The following IGFL2 variants were observed in gnomAD, a reference collection of about 807,000 sequenced individuals.
The protein encoded by IGFL2 is insulin growth factor-like family member 2.
In IGFL2, 7 loss-of-function variants were observed where a neutral mutation model predicts 13.9. The ratio of observed to expected loss-of-function variants is 0.51; its 90% confidence interval spans 0.29 to 0.95. The LOEUF is 0.95. Ranked by LOEUF, IGFL2 falls within the 40% of genes least tolerant of loss-of-function variation. The pLI is 0.08. For missense variants in IGFL2, 138 were observed against 147.8 expected (o/e 0.93, Z 0.34); for synonymous variants, 55 against 55.8 (o/e 0.99, Z 0.07).
the IGFL2 span, among the ~76,000 whole-genome samples, chr19:46,089,603 C>T: frequency 1.3e-5 from 2 of 150,418 alleles, no homozygotes; most frequent in African/African-American, 2.4e-5. Flanking sequence ...CTTATCTCTC[C>T]TTCATTTCTG....
At chr19:46,105,281 G>C in the IGFL2 span, among the ~76,000 whole-genome samples, 108 of 152,308 alleles carry the variant, frequency 7.1e-4, 2 homozygotes, top group South Asian at 0.017. Context: ...TAGTCCTTTT[G>C]CAAGAGTGAG....
chr19:46,132,625 G>A, the IGFL2 span, among the ~76,000 whole-genome samples: 1 of 151,570 alleles, frequency 6.6e-6, no homozygotes, highest in Admixed American at 6.6e-5. Context: ...ACAGAGAAGG[G>A]GAGAGAGAAG....
downstream of IGFL2, among the ~76,000 whole-genome samples, chr19:46,163,502 A>G (rs1600957191): frequency 6.6e-6 from 1 of 152,258 alleles, no homozygotes; most frequent in South Asian, 2.1e-4. Context: ...TATGGGACCC[A>G]TGGGAAACAG....
At chr19:46,119,010 A>G in the IGFL2 span, among the ~76,000 whole-genome samples, 30 of 151,982 alleles carry the variant, frequency 2.0e-4, no homozygotes, top group Admixed American at 1.8e-3. Context: ...ACACCCTGCT[A>G]TGGGATGATG....
chr19:46,190,584 A>G, the IGFL2 span, among the ~76,000 whole-genome samples: 1 of 152,146 alleles, frequency 6.6e-6, no homozygotes. Context: ...ATATTTTGCA[A>G]GTGTGTGAAT....
the IGFL2 span, among the ~76,000 whole-genome samples, chr19:46,125,125 T>A: frequency 6.6e-6 from 1 of 152,184 alleles, no homozygotes; most frequent in Non-Finnish European, 1.5e-5. Flanking sequence ...TCTCTGGAAA[T>A]GTCAAGGGGA....
At position 46,160,411 on chromosome 19, in the gene IGFL2, C is replaced by T. The variant is rs1247547551; in HGVS notation, c.20-4C>T. The T allele has an allele frequency of 6.2e-7, 1 of 1,612,656 alleles. No individual in the cohort carries two copies. On this transcript the variant is annotated splice_polypyrimidine_tract_variant and splice_region_variant and intron_variant, in intron 1 of 3. Transcript: ENST00000377693. Reference sequence around the variant, plus strand: ...ATCCTTAACCTCCTTTCTTTCTCTCCCAGCTCCTGCTTATGTGTCAGTCTG... The same window carrying T: ...ATCCTTAACCTCCTTTCTTTCTCTCTCAGCTCCTGCTTATGTGTCAGTCTG...
chr19:46,146,775 G>A (rs540208048), upstream of IGFL2, among the ~76,000 whole-genome samples: 16 of 152,138 alleles, frequency 1.1e-4, no homozygotes, highest in African/African-American at 2.9e-4. Context: ...ATTGACTTCT[G>A]TGTGTTTCAT....
the IGFL2 span, among the ~76,000 whole-genome samples, chr19:46,200,487 T>TTCTTTTCTTTTCTTTTCTTTTC: frequency 6.9e-6 from 1 of 145,480 alleles, no homozygotes. Context: ...TTCTTTTCTT[T>TTCTTTTCTTTTCTTTTCTTTTC]TCTTTTCTTT....
the IGFL2 span, among the ~76,000 whole-genome samples, chr19:46,093,921 A>G: frequency 6.6e-6 from 1 of 152,236 alleles, no homozygotes; most frequent in South Asian, 2.1e-4. Context: ...TGACATAAAG[A>G]TCTAAATAAA....
upstream of IGFL2, chr19:46,143,044 A>G (rs895885387): frequency 3.3e-5 from 5 of 152,228 alleles, no homozygotes; most frequent in African/African-American, 1.2e-4. Flanking sequence ...TGTTACTGCA[A>G]TTGATGTTTG....
chr19:46,122,978 A>G, the IGFL2 span, among the ~76,000 whole-genome samples: 1 of 150,888 alleles, frequency 6.6e-6, no homozygotes, highest in African/African-American at 2.5e-5. Flanking sequence ...GGTAAAAAAA[A>G]TGACATTTGA....
chr19:46,215,231 T>C, the IGFL2 span, among the ~76,000 whole-genome samples: 4 of 152,216 alleles, frequency 2.6e-5, no homozygotes, highest in African/African-American at 7.2e-5. Context: ...TTAATGATTA[T>C]GGTGAATTTT....
At chr19:46,079,415 A>G in the IGFL2 span, among the ~76,000 whole-genome samples, 3 of 152,286 alleles carry the variant, frequency 2.0e-5, no homozygotes, top group Admixed American at 6.5e-5. Flanking sequence ...CGTGCGTACC[A>G]TGGTGCACCT....
chr19:46,090,439 A>G, the IGFL2 span, among the ~76,000 whole-genome samples: 3 of 152,186 alleles, frequency 2.0e-5, no homozygotes, highest in Non-Finnish European at 4.4e-5. Flanking sequence ...TCTTGTGGCC[A>G]CACGTCAACA....
the IGFL2 span, among the ~76,000 whole-genome samples, chr19:46,201,370 T>C: frequency 3.3e-5 from 5 of 152,258 alleles, no homozygotes; most frequent in Non-Finnish European, 7.3e-5. Context: ...CTCCTCTTCC[T>C]GCCTTGCATT....
At chr19:46,078,654 A>C in the IGFL2 span, among the ~76,000 whole-genome samples, 5 of 152,246 alleles carry the variant, frequency 3.3e-5, no homozygotes, top group Non-Finnish European at 5.9e-5. Context: ...TTTAAAATGC[A>C]TCAAACATAG....
chr19:46,138,455 A>G (rs563667900), upstream of IGFL2, among the ~76,000 whole-genome samples: 44 of 152,248 alleles, frequency 2.9e-4, no homozygotes, highest in African/African-American at 8.9e-4. Flanking sequence ...GGTGTTGACA[A>G]AAGTGCTTCA....
At chr19:46,104,645 C>T in the IGFL2 span, among the ~76,000 whole-genome samples, 1 of 152,176 alleles carries the variant, frequency 6.6e-6, no homozygotes, top group Non-Finnish European at 1.5e-5. Flanking sequence ...ATCAATTTGC[C>T]AGTCCTGGAC....
Sources: gnomAD v4.1 joint callset for allele counts (sites outside exome capture counted in the v4.1 genomes callset) on GRCh38, gnomAD v4.1.1 for gene constraint, MANE v1.5 for transcripts, NCBI Gene and HGNC (gene_info 2026-07-23, HGNC 2026-07-21) for gene names.